Variants in ERICH3 observed in about 807,000 individuals in gnomAD.
ERICH3 encodes the protein glutamate-rich protein 3.
Under a neutral mutation model 131.1 loss-of-function variants are expected in ERICH3, and 126 were observed. That is an observed-to-expected ratio of 0.96 (90% CI 0.83 to 1.11). ERICH3 has a LOEUF of 1.11. Ranked by LOEUF, ERICH3 falls within the 50% of genes most tolerant of loss-of-function variation. The pLI, the probability that ERICH3 is intolerant of heterozygous loss-of-function variation, is 0.00. For missense variants in ERICH3, 2,050 were observed against 1,810.7 expected (o/e 1.13, Z -2.40); for synonymous variants, 695 against 644.6 (o/e 1.08, Z -1.18).
At position 74,590,096 on chromosome 1, in the gene ERICH3, G is replaced by GTGA; in HGVS notation, c.1727-19_1727-17dup. 1 of 1,545,306 alleles carries GTGA rather than the reference G, an allele frequency of 6.5e-7. No individual in the cohort carries two copies. Among genetic ancestry groups the GTGA allele is most frequent in the Non-Finnish European group, 8.8e-7 (1 of 1,140,876 alleles). Reference sequence around the variant, plus strand: ...GTTTTCATATCTACAAAAAATAAAAGTGATGACATTGTTGTTGTTCTGTAA... The same window carrying GTGA: ...GTTTTCATATCTACAAAAAATAAAAGTGATGATGACATTGTTGTTGTTCTGTAA... On this transcript the variant is annotated splice_polypyrimidine_tract_variant and intron_variant, in intron 11 of 14. Transcript: ENST00000326665.
chr1:74,614,087 T>C (rs1337464095), intron 8 of ERICH3, among the ~76,000 whole-genome samples: 5 of 152,192 alleles, frequency 3.3e-5, no homozygotes, highest in Admixed American at 1.3e-4. Context: ...CCTCTGTTTC[T>C]GATTCAGTAC....
At chr1:74,670,326 T>A (rs746082741) in intron 1 of ERICH3, among the ~76,000 whole-genome samples, 6 of 152,162 alleles carry the variant, frequency 3.9e-5, no homozygotes, top group Non-Finnish European at 7.4e-5. Context: ...TTGTTGACCA[T>A]GTGAGGCAAC....
intron 13 of ERICH3, among the ~76,000 whole-genome samples, chr1:74,574,995 A>C (rs1218436691): frequency 6.6e-6 from 1 of 151,956 alleles, no homozygotes; most frequent in African/African-American, 2.4e-5. Context: ...AACTTAAAAA[A>C]AAAAAAACTT....
chr1:74,670,917 A>T (rs1023943715), intron 1 of ERICH3, among the ~76,000 whole-genome samples: 10 of 152,124 alleles, frequency 6.6e-5, no homozygotes, highest in African/African-American at 2.4e-4. Context: ...TCCTGGGAGG[A>T]GGTCTATAAA....
At position 74,642,975 on chromosome 1, in the gene ERICH3, T is replaced by A. The variant is rs182660260; in HGVS notation, c.315+52A>T. ...GGAATCATAGTTTCACTGTTTTTTT[T>A]AAAATCATAAAATAATACTATGAAG... On this transcript the variant is annotated intron_variant, in intron 4 of 14. Coordinates refer to ENST00000326665, the MANE Select transcript of ERICH3 (RefSeq NM_001002912.5). 1,502 of 1,363,272 alleles carry A rather than the reference T, an allele frequency of 1.1e-3. 17 individuals are homozygous for A. In the African/African-American group the frequency reaches 0.02, roughly 18 times the overall value. 84.4% of individuals were successfully genotyped at this position (1,363,272 alleles called of 1,614,324 possible).
intron 7 of ERICH3, among the ~76,000 whole-genome samples, chr1:74,628,168 T>C (rs926138676): frequency 6.6e-6 from 1 of 152,196 alleles, no homozygotes; most frequent in Non-Finnish European, 1.5e-5. Context: ...AATTCATCTC[T>C]TTAGTAAATC....
intron 9 of ERICH3, among the ~76,000 whole-genome samples, chr1:74,609,692 T>C (rs540505762): frequency 8.3e-4 from 126 of 152,156 alleles, no homozygotes; most frequent in African/African-American, 2.9e-3. Context: ...ACTGTTCTAT[T>C]CTGGGCATTC....
intron 10 of ERICH3, among the ~76,000 whole-genome samples, chr1:74,605,883 T>C (rs1570856804): frequency 6.6e-6 from 1 of 151,884 alleles, no homozygotes; most frequent in African/African-American, 2.4e-5. Context: ...GGTGCAGGGT[T>C]GCCACAAACT....
intron 12 of ERICH3, among the ~76,000 whole-genome samples, chr1:74,585,813 CAA>C (rs1647301544): frequency 1.3e-5 from 2 of 151,966 alleles, no homozygotes; most frequent in African/African-American, 4.8e-5. Flanking sequence ...GTTATTCATA[CAA>C]AAAATTTCAA....
At position 74,569,770 on chromosome 1, in the gene ERICH3, A is replaced by T. The variant is rs1646914384; in HGVS notation, c.*688T>A. ...ACCATTTTACTAGTCTACCCCAGAA[A>T]GCAGAACTACAGAAACACACACAAA... On this transcript the variant is annotated 3_prime_UTR_variant, in exon 15 of 15. Transcript: ENST00000326665. The T allele has an allele frequency of 6.6e-6, 1 of 152,258 alleles. No individual in the cohort carries two copies. Among genetic ancestry groups the T allele is most frequent in the Non-Finnish European group, 1.5e-5 (1 of 68,026 alleles). The allele number at this position is 152,258 out of a possible 1,614,324, so 9.4% of individuals were successfully genotyped here. A position where few individuals can be genotyped will look rare whatever the true frequency, so the allele number is the denominator to read the frequency against.
intron 12 of ERICH3, chr1:74,577,382 C>T (rs564328798): frequency 2.0e-4 from 31 of 155,062 alleles, no homozygotes; most frequent in Non-Finnish European, 3.4e-4. Flanking sequence ...CCAGCTTCCT[C>T]GGTGGCTTCC....
intron 1 of ERICH3, among the ~76,000 whole-genome samples, chr1:74,656,490 C>T (rs1219048646): frequency 6.6e-6 from 1 of 152,128 alleles, no homozygotes; most frequent in Non-Finnish European, 1.5e-5. Context: ...TTCCCATGAG[C>T]CCTTGCCCTC....
rs745867068 is a variant in ERICH3 at position 74,641,381 on chromosome 1, G to A, written c.394C>T (p.Arg132Cys). 9.0e-5 allele frequency: 145 copies of A among 1,612,660 alleles called. No homozygotes were observed. Among genetic ancestry groups the A allele is most frequent in the Middle Eastern group, 1.6e-4 (1 of 6,066 alleles). Residue 132 changes from arginine to cysteine, a missense_variant, in exon 5 of 15, where the codon CGT becomes TGT. Physicochemically the swap from Arg to Cys is radical, Grantham distance 180 (BLOSUM62 -3). Coordinates refer to ENST00000326665, the MANE Select transcript of ERICH3 (RefSeq NM_001002912.5). ...PHPPVGPKSN[R>C]GHSVLVDEGH... ...TCATCAACCAGAACACTATGGCCAC[G>A]ATTACTCTTTGGGCCAACTGGTGGG...
Position 74,673,512 on chromosome 1 carries a change from T to C in ERICH3, c.8A>G (p.His3Arg), listed in dbSNP as rs1482343779. Residue 3 changes from histidine (H) to arginine (R), a missense_variant, in exon 1 of 15, where the codon CAT becomes CGT. Coordinates refer to ENST00000326665, the MANE Select transcript of ERICH3 (RefSeq NM_001002912.5). MS[H>R]SHPAGLLAAY... ...TGTCACTTACCCAGCGGGGTGAGAA[T>C]GGCTCATTTTTGCAGGATCCCTTTT... is the stretch of plus-strand genomic sequence containing the variant. 6.2e-7 allele frequency: 1 copy of C among 1,613,200 alleles called. No homozygotes were observed. The highest frequency in any genetic ancestry group is 1.3e-5 in the African/African-American group (1 of 74,846).
intron 8 of ERICH3, among the ~76,000 whole-genome samples, chr1:74,618,976 C>T (rs1570878898): frequency 6.6e-6 from 1 of 152,164 alleles, no homozygotes; most frequent in East Asian, 1.9e-4. Context: ...AGCTAAATTG[C>T]TAAGATTGCT....
intron 8 of ERICH3, among the ~76,000 whole-genome samples, chr1:74,617,520 G>A (rs1649025357): frequency 6.6e-6 from 1 of 152,156 alleles, no homozygotes; most frequent in African/African-American, 2.4e-5. Context: ...AATATAAAGA[G>A]AGAGCCACTA....
At chr1:74,603,489 T>C (rs1261421389) in intron 10 of ERICH3, among the ~76,000 whole-genome samples, 2 of 151,920 alleles carry the variant, frequency 1.3e-5, no homozygotes, top group Non-Finnish European at 2.9e-5. Context: ...ACTTTCATTA[T>C]TGTTGTTATT....
chr1:74,632,853 G>A (rs1193049564), intron 6 of ERICH3, among the ~76,000 whole-genome samples: 1 of 151,850 alleles, frequency 6.6e-6, no homozygotes. Context: ...TATTGTTTTA[G>A]AGTTTAATCA....
chr1:74,631,961 G>T, intron 6 of ERICH3, 33 bp from the exon 7 acceptor site: 1 of 1,575,986 alleles, frequency 6.3e-7, no homozygotes, highest in Non-Finnish European at 8.7e-7. Context: ...AAGAACCAGT[G>T]AAACAGAATC....
Sources: allele counts gnomAD v4.1 joint callset (sites outside exome capture counted in the v4.1 genomes callset), GRCh38; gene constraint gnomAD v4.1.1; transcripts MANE v1.5; gene names NCBI Gene and HGNC (gene_info 2026-07-23, HGNC 2026-07-21).